Variants in REV1 observed in about 807,000 individuals in gnomAD.
REV1 encodes translesion synthesis protein REV1.
Under a neutral mutation model 137.4 loss-of-function variants are expected in REV1, and 42 were observed. The ratio of observed to expected loss-of-function variants is 0.31; its 90% CI spans 0.24 to 0.40. The LOEUF (loss-of-function observed/expected upper bound fraction) is 0.40, where lower values mean the gene tolerates loss of function less well. Among genes scored for constraint, REV1 ranks in the 10% least tolerant of loss-of-function variants. REV1 has a pLI of 1.00. For missense variants in REV1, 1,282 were observed against 1,490.1 expected (o/e 0.86, Z 2.30); for synonymous variants, 524 against 519.2 (o/e 1.01, Z -0.12).
chr2:99,415,282 A>G (rs1333584493), intron 12 of REV1, among the ~76,000 whole-genome samples: 1 of 152,216 alleles, frequency 6.6e-6, no homozygotes, highest in Non-Finnish European at 1.5e-5. Flanking sequence ...CCTATTAAGG[A>G]AAAGGTGAAG....
At chr2:99,409,691 AAAATTCGCTGGGCAT>A (rs1676826616) in intron 14 of REV1, among the ~76,000 whole-genome samples, 1 of 152,030 alleles carries the variant, frequency 6.6e-6, no homozygotes, top group Non-Finnish European at 1.5e-5. Context: ...TGAAAATACA[AAAATTCGCTGGGCAT>A]GGTGGCATGC....
At chr2:99,428,991 CAAAAAAAAAAAA>C (rs762850171) in intron 9 of REV1, among the ~76,000 whole-genome samples, 4 of 63,848 alleles carry the variant, frequency 6.3e-5, no homozygotes, top group East Asian at 4.9e-4. Flanking sequence ...GACTCCGTCT[CAAAAAAAAAAAA>C]AAAAAAAAAG....
intron 1 of REV1, among the ~76,000 whole-genome samples, chr2:99,470,808 G>A (rs894630834): frequency 6.6e-5 from 10 of 152,250 alleles, no homozygotes; most frequent in South Asian, 2.1e-4. Context: ...TAAATGACCC[G>A]GTCTCCTTTG....
At chr2:99,459,433 T>C (rs1191374434) in intron 3 of REV1, among the ~76,000 whole-genome samples, 2 of 152,132 alleles carry the variant, frequency 1.3e-5, no homozygotes, top group Non-Finnish European at 1.5e-5. Context: ...AGGCCAGCCA[T>C]GGTGGCCCAT....
At chr2:99,418,297 G>C (rs1335264994) in intron 12 of REV1, among the ~76,000 whole-genome samples, 1 of 152,210 alleles carries the variant, frequency 6.6e-6, no homozygotes, top group Admixed American at 6.5e-5. Flanking sequence ...GAAAGGTTAA[G>C]ATGGAAGGTT....
intron 9 of REV1, among the ~76,000 whole-genome samples, chr2:99,428,182 C>T (rs986046564): frequency 2.6e-5 from 4 of 152,238 alleles, no homozygotes; most frequent in East Asian, 1.9e-4. Context: ...TACCAACTAG[C>T]GAAATTCAAG....
chr2:99,462,414 TA>T, intron 3 of REV1, 81 bp downstream of exon 3: 1 of 1,314,770 alleles, frequency 7.6e-7, no homozygotes, highest in Non-Finnish European at 1.1e-6. Flanking sequence ...AATAAATGAG[TA>T]AAAATAGAAT....
chr2:99,409,170 G>A (rs548450710), intron 14 of REV1, among the ~76,000 whole-genome samples: 6 of 152,296 alleles, frequency 3.9e-5, no homozygotes, highest in South Asian at 2.1e-4. Context: ...TGAGATACAT[G>A]TGTATCATAA....
chr2:99,468,199 GAA>G (rs1353123120), intron 1 of REV1, among the ~76,000 whole-genome samples: 96 of 150,536 alleles, frequency 6.4e-4, no homozygotes, highest in African/African-American at 2.3e-3. Context: ...AAAAAAGAAA[GAA>G]AGAAAAATTA....
chr2:99,404,954 C>A (rs1676072241), intron 17 of REV1, among the ~76,000 whole-genome samples: 1 of 152,168 alleles, frequency 6.6e-6, no homozygotes, highest in African/African-American at 2.4e-5. Flanking sequence ...AATATACTCA[C>A]AGAATGTCCT....
At chr2:99,433,796 TTAA>T (rs1178869286) in intron 8 of REV1, among the ~76,000 whole-genome samples, 3 of 152,338 alleles carry the variant, frequency 2.0e-5, no homozygotes, top group East Asian at 1.9e-4. Flanking sequence ...CATGAAAATC[TTAA>T]TAAGTATTAT....
intron 9 of REV1, among the ~76,000 whole-genome samples, chr2:99,425,438 T>A (rs938069728): frequency 2.6e-4 from 40 of 152,350 alleles, no homozygotes; most frequent in African/African-American, 8.9e-4. Context: ...TGTCGAGGAC[T>A]TAGCGAGGTG....
intron 12 of REV1, among the ~76,000 whole-genome samples, chr2:99,415,112 T>C (rs1419151648): frequency 1.3e-5 from 2 of 152,000 alleles, no homozygotes; most frequent in Non-Finnish European, 2.9e-5. Flanking sequence ...CCAACTCCTA[T>C]TGAGTGGGGG....
At chr2:99,429,081 G>GT (rs1559331344) in intron 9 of REV1, among the ~76,000 whole-genome samples, 1 of 151,668 alleles carries the variant, frequency 6.6e-6, no homozygotes, top group Non-Finnish European at 1.5e-5. Context: ...CCAGCAATGT[G>GT]TAAGGGCTTG....
chr2:99,465,733 T>C lies in REV1; in HGVS notation c.-10-748A>G, dbSNP rs1684719798. On this transcript the variant is annotated intron_variant, in intron 1 of 22. Transcript: ENST00000258428. The stretch of plus-strand genomic sequence containing the variant: ...TTTTGGGCTATGACTACATTTATTC[T>C]TAACAAAATTAATATGACTTCTATT... Among the ~76,000 whole-genome samples the C allele has an allele frequency of 4.6e-5, 7 of 152,332 alleles. No individual in the cohort carries two copies. The South Asian group carries it at 1.4e-3, about 32-fold the overall frequency.
Position 99,401,142 on chromosome 2 carries a change from A to AATT in REV1, c.*96_*98dup, listed in dbSNP as rs781212915. 16 of 640,424 alleles carry AATT rather than the reference A, an allele frequency of 2.5e-5. No individual in the cohort carries two copies. The highest frequency in any genetic ancestry group is 3.9e-5 in the Non-Finnish European group (15 of 387,592). 39.7% of individuals were successfully genotyped at this position (640,424 alleles called of 1,614,324 possible). Reference sequence around the variant, plus strand: ...AACACTTGCTTTAAAAGAAATTTAAAATTATAAAAACTCCGAGCATTACTA... The same window carrying AATT: ...AACACTTGCTTTAAAAGAAATTTAAAATTATTATAAAAACTCCGAGCATTACTA... On this transcript the variant is annotated 3_prime_UTR_variant, in exon 23 of 23. Transcript: ENST00000258428.
Position 99,438,640 on chromosome 2 carries a change from T to A in REV1, c.1174A>T (p.Met392Leu), listed in dbSNP as rs1192801134. ...IFPGREKLKK[M>L]KTGRSALVVT... ...ACAAGTGCAGACCTGCCTGTTTTCATTTTTTTTAACTTTTCCCTTCCTGGA... is the reference window on the plus strand; with the variant it reads ...ACAAGTGCAGACCTGCCTGTTTTCAATTTTTTTAACTTTTCCCTTCCTGGA... The change falls in exon 6 of 23, where the codon ATG becomes TTG. Residue 392 changes from methionine to leucine, a missense_variant. Physicochemically the swap from Met to Leu is conservative, Grantham distance 15. Around this residue, in one of 7 missense-constraint regions of REV1, gnomAD observed 432 missense variants for 438.0 expected, o/e 0.99. Transcript: ENST00000258428. 6.2e-7 allele frequency: 1 copy of A among 1,610,228 alleles called. No homozygotes were observed. The highest frequency in any genetic ancestry group is 8.5e-7 in the Non-Finnish European group (1 of 1,177,172).
At chr2:99,478,088 C>T (rs770671693) in intron 1 of REV1, among the ~76,000 whole-genome samples, 1 of 151,968 alleles carries the variant, frequency 6.6e-6, no homozygotes, top group Non-Finnish European at 1.5e-5. Flanking sequence ...AAAAATTAGC[C>T]GAGCGTGGTG....
chr2:99,412,779 T>A lies in REV1; in HGVS notation c.2124A>T (p.Glu708Asp). The change falls in exon 13 of 23, where the codon GAA becomes GAT. Residue 708 changes from glutamate (E) to aspartate (D), a missense_variant. Glu to Asp is a conservative substitution (Grantham distance 45). Coordinates refer to ENST00000258428, the MANE Select transcript of REV1 (RefSeq NM_016316.4). The part of the protein sequence containing the change: ...LDDRPVRTEK[E>D]RKSVSAEINY... The stretch of plus-strand genomic sequence containing the variant: ...TGATCTCAGCTGAAACAGATTTTCT[T>A]TCCTTTTCAGTTCGAACTGGTCTAT... 6.2e-7 allele frequency: 1 copy of A among 1,614,126 alleles called. No individual in the cohort carries two copies.
Sources: gnomAD v4.1 joint callset for allele counts (sites outside exome capture counted in the v4.1 genomes callset) on GRCh38, gnomAD v4.1.1 for gene constraint, gnomAD v4.1.1 regional missense constraint, MANE v1.5 for transcripts, NCBI Gene and HGNC (gene_info 2026-07-23, HGNC 2026-07-21) for gene names.